Variants in SPMIP2 observed in about 807,000 individuals in gnomAD.
SPMIP2 encodes protein SPMIP2.
At chr4:158,996,634 A>T in the SPMIP2 span, among the ~76,000 whole-genome samples, 1 of 152,190 alleles carries the variant, frequency 6.6e-6, no homozygotes, top group African/African-American at 2.4e-5. Flanking sequence ...CAGTAGCTCA[A>T]TGATGTCTTC....
At chr4:159,016,703 C>G in the SPMIP2 span, among the ~76,000 whole-genome samples, 6 of 152,212 alleles carry the variant, frequency 3.9e-5, no homozygotes, top group African/African-American at 1.4e-4. Flanking sequence ...AAGTGGGAGT[C>G]TAACTGGGCT....
the SPMIP2 span, among the ~76,000 whole-genome samples, chr4:159,077,684 C>T: frequency 2.6e-5 from 4 of 152,200 alleles, no homozygotes; most frequent in African/African-American, 9.6e-5. Context: ...TGTTACCAAA[C>T]TCAGGAGACC....
the SPMIP2 span, among the ~76,000 whole-genome samples, chr4:159,043,594 G>A: frequency 0.18 from 26,701 of 152,116 alleles, 2,732 homozygotes; most frequent in African/African-American, 0.28. Context: ...TGATCCGCCC[G>A]CCTCGGCCTC....
chr4:158,987,332 C>T, the SPMIP2 span, among the ~76,000 whole-genome samples: 13 of 152,130 alleles, frequency 8.5e-5, no homozygotes, highest in Non-Finnish European at 1.6e-4. Flanking sequence ...CACATGCACA[C>T]ATATGTTTAT....
chr4:158,948,586 GGTTT>G, the SPMIP2 span, among the ~76,000 whole-genome samples: 6 of 143,790 alleles, frequency 4.2e-5, no homozygotes, highest in South Asian at 2.1e-4. Flanking sequence ...GCCTGTATGT[GGTTT>G]GTTTTTTTTT....
chr4:158,925,408 T>A, the SPMIP2 span, among the ~76,000 whole-genome samples: 1 of 152,228 alleles, frequency 6.6e-6, no homozygotes, highest in Admixed American at 6.5e-5. Flanking sequence ...TTTTAGTAGT[T>A]TAAATGTTTT....
At chr4:159,048,269 T>C in the SPMIP2 span, among the ~76,000 whole-genome samples, 5 of 152,302 alleles carry the variant, frequency 3.3e-5, no homozygotes, top group East Asian at 7.7e-4. Flanking sequence ...CTGTGCTATC[T>C]CCTGTTGAAG....
At chr4:158,924,428 G>A in the SPMIP2 span, among the ~76,000 whole-genome samples, 1 of 152,176 alleles carries the variant, frequency 6.6e-6, no homozygotes, top group Non-Finnish European at 1.5e-5. Context: ...TGCACAGACT[G>A]GAGTGCAATG....
At chr4:159,017,153 A>G in the SPMIP2 span, among the ~76,000 whole-genome samples, 1 of 152,180 alleles carries the variant, frequency 6.6e-6, no homozygotes, top group Non-Finnish European at 1.5e-5. Context: ...TTCCGTCAAC[A>G]TACCCTATTC....
At chr4:158,984,328 C>T in the SPMIP2 span, among the ~76,000 whole-genome samples, 1 of 144,376 alleles carries the variant, frequency 6.9e-6, no homozygotes, top group African/African-American at 2.5e-5. Context: ...ACAGAATATA[C>T]ATTTTTTTCA....
At chr4:158,896,850 TTA>T in the SPMIP2 span, among the ~76,000 whole-genome samples, 189 of 150,220 alleles carry the variant, frequency 1.3e-3, 1 homozygote, top group Middle Eastern at 0.027. Context: ...AGTTTTTTTT[TTA>T]TTATTATTAT....
At chr4:159,057,930 T>A in the SPMIP2 span, among the ~76,000 whole-genome samples, 4 of 152,052 alleles carry the variant, frequency 2.6e-5, no homozygotes, top group African/African-American at 7.2e-5. Flanking sequence ...AGTGGTGGGA[T>A]CTCGGCTCAC....
chr4:158,987,775 A>G, the SPMIP2 span, among the ~76,000 whole-genome samples: 1 of 152,052 alleles, frequency 6.6e-6, no homozygotes, highest in Non-Finnish European at 1.5e-5. Context: ...AACTTAAAGT[A>G]TAATAATAAT....
At chr4:158,984,583 A>G in the SPMIP2 span, among the ~76,000 whole-genome samples, 1 of 152,048 alleles carries the variant, frequency 6.6e-6, no homozygotes, top group Non-Finnish European at 1.5e-5. Flanking sequence ...TTTGAAACCA[A>G]CGAGAACAAA....
At chr4:158,904,633 G>A in the SPMIP2 span, 184 of 1,156,316 alleles carry the variant, frequency 1.6e-4, 1 homozygote, top group East Asian at 4.0e-3. Context: ...GATGTCAAAA[G>A]CATGAGAAGA....
At chr4:159,080,873 A>G in the SPMIP2 span, among the ~76,000 whole-genome samples, 9 of 151,648 alleles carry the variant, frequency 5.9e-5, no homozygotes, top group Non-Finnish European at 1.3e-4. Context: ...ACAGGCGCCC[A>G]CCACCATGCC....
chr4:158,927,294 T>C, the SPMIP2 span, among the ~76,000 whole-genome samples: 1 of 152,230 alleles, frequency 6.6e-6, no homozygotes, highest in African/African-American at 2.4e-5. Context: ...TATCTGACAT[T>C]AGAGAAACCA....
chr4:158,931,654 C>T, the SPMIP2 span, among the ~76,000 whole-genome samples: 683 of 152,184 alleles, frequency 4.5e-3, 4 homozygotes, highest in African/African-American at 0.015. Flanking sequence ...CCTCCACCTC[C>T]CAGACTCAGG....
the SPMIP2 span, among the ~76,000 whole-genome samples, chr4:158,901,475 C>T: frequency 6.6e-5 from 10 of 152,120 alleles, no homozygotes; most frequent in African/African-American, 2.2e-4. Flanking sequence ...CTTGGGGTTG[C>T]TCTTCTCGAG....
Sources: gnomAD v4.1 joint callset for allele counts (sites outside exome capture counted in the v4.1 genomes callset) on GRCh38, gnomAD v4.1.1 for gene constraint, MANE v1.5 for transcripts, NCBI Gene and HGNC (gene_info 2026-07-23, HGNC 2026-07-21) for gene names.